Variants in NWD1 observed in about 807,000 individuals in gnomAD.
The protein encoded by NWD1 is NACHT domain- and WD repeat-containing protein 1.
Under a neutral mutation model 135.1 loss-of-function variants are expected in NWD1, and 129 were observed. That is an observed-to-expected ratio of 0.96 (90% CI 0.83 to 1.11). The LOEUF (loss-of-function observed/expected upper bound fraction) is 1.11. NWD1 is among the 50% of genes least tolerant of loss of function. NWD1 has a pLI of 0.00. For synonymous variants in NWD1, 773 were observed against 786.0 expected, an observed-to-expected ratio of 0.98 and a Z score of 0.28; for missense variants, 1,740 against 1,851.3, an observed-to-expected ratio of 0.94 and a Z score of 1.10.
Position 16,750,394 on chromosome 19 carries a change from C to A in NWD1, c.1752C>A (p.Gly584=). ...HGQLLVAHVL[G]YIVSSRHGLS... is the part of the protein sequence containing the mutation. Reference sequence around the variant, plus strand: ...AGCTCCTCGTGGCCCACGTGCTGGGCTACATTGTGTCTTCCCGGTAAGTCT... The same window carrying A: ...AGCTCCTCGTGGCCCACGTGCTGGGATACATTGTGTCTTCCCGGTAAGTCT... Residue 584 remains glycine (G), a synonymous_variant, in exon 6 of 19, where the codon GGC becomes GGA. Coordinates refer to ENST00000524140, the MANE Select transcript of NWD1 (RefSeq NM_001007525.5). 6.4e-7 allele frequency: 1 copy of A among 1,573,850 alleles called. No homozygotes were observed. The highest frequency in any genetic ancestry group is 1.1e-5 in the South Asian group (1 of 87,384).
Position 16,749,364 on chromosome 19 carries a change from C to T in NWD1, c.722C>T (p.Thr241Ile), listed in dbSNP as rs771442973. The change falls in exon 6 of 19, where the codon ACC becomes ATC. Residue 241 changes from threonine to isoleucine, a missense_variant. By Grantham distance (89) the Thr-to-Ile change is moderately conservative (BLOSUM62 -1). Coordinates refer to ENST00000524140, the MANE Select transcript of NWD1 (RefSeq NM_001007525.5). ...ITDMHPGVLK[T>I]HRLPWSRDLV... is the part of the protein sequence containing the mutation. ...GACATGCACCCAGGGGTCCTCAAGA[C>T]CCACCGCCTGCCGTGGAGCCGCGAC... 11 of 1,613,504 alleles carry T rather than the reference C, an allele frequency of 6.8e-6. No individual in the cohort carries two copies. The South Asian group carries it at 1.1e-4, about 16-fold the overall frequency.
rs760502887 is a variant in NWD1 at position 16,779,382 on chromosome 19, T to C, written c.2648T>C (p.Leu883Pro). 46 of 1,613,776 alleles carry C rather than the reference T, an allele frequency of 2.9e-5. No individual in the cohort carries two copies. The highest frequency in any genetic ancestry group is 5.0e-5 in the Admixed American group (3 of 59,952). Reference protein sequence around the residue: ...AMAWGVEEKLLVIGTQDGIMA... With the variant: ...AMAWGVEEKLPVIGTQDGIMA... Reference sequence around the variant, plus strand: ...GCATGGGGTGTGGAGGAGAAGCTGCTGGTGATTGGCACCCAGGATGGCATC... The same window carrying C: ...GCATGGGGTGTGGAGGAGAAGCTGCCGGTGATTGGCACCCAGGATGGCATC... Residue 883 changes from leucine to proline, a missense_variant, in exon 12 of 19, where the codon CTG becomes CCG. By Grantham distance (98) the Leu-to-Pro change is moderately conservative. Transcript: ENST00000524140.
At chr19:16,809,822 G>C (rs1162318796) in intron 18 of NWD1, among the ~76,000 whole-genome samples, 1 of 152,034 alleles carries the variant, frequency 6.6e-6, no homozygotes, top group Non-Finnish European at 1.5e-5. Context: ...CTCACAAAGT[G>C]CTGGGATTAC....
At chr19:16,800,313 C>T (rs1466843021) in intron 17 of NWD1, 151 bp downstream of exon 17, 2 of 730,158 alleles carry the variant, frequency 2.7e-6, no homozygotes, top group African/African-American at 1.8e-5. Context: ...GCGGGTGGAT[C>T]ACCTGAGGTC....
At chr19:16,720,649 G>C (rs1410779086) in intron 1 of NWD1, among the ~76,000 whole-genome samples, 2 of 152,216 alleles carry the variant, frequency 1.3e-5, no homozygotes, top group Admixed American at 1.3e-4. Context: ...CTGCCTCCCA[G>C]GTTCACACCA....
At chr19:16,757,531 C>T (rs1255352736) in intron 6 of NWD1, among the ~76,000 whole-genome samples, 1 of 152,202 alleles carries the variant, frequency 6.6e-6, no homozygotes, top group Non-Finnish European at 1.5e-5. Flanking sequence ...AGAGAAGGTA[C>T]ATTCCTCACC....
intron 11 of NWD1, among the ~76,000 whole-genome samples, chr19:16,776,741 CAACAT>C: frequency 8.8e-6 from 1 of 113,670 alleles, no homozygotes; most frequent in South Asian, 2.8e-4. Flanking sequence ...CCAGCCTGGG[CAACAT>C]AAGGAGACCT....
At chr19:16,723,205 T>C (rs938880923) in intron 1 of NWD1, among the ~76,000 whole-genome samples, 4 of 152,026 alleles carry the variant, frequency 2.6e-5, no homozygotes, top group African/African-American at 4.8e-5. Flanking sequence ...AGCTGATTTT[T>C]TTGCTGTTGT....
In NWD1 at chr19:16,719,877, C is replaced by T. The variant is rs1168566239; in HGVS notation, c.-521C>T. ...CTGGGAGAATTGGGCAAGGAGAGACCCATAAAATACCTAAGACGAAAGTTA... is the reference window on the plus strand; with the variant it reads ...CTGGGAGAATTGGGCAAGGAGAGACTCATAAAATACCTAAGACGAAAGTTA... On this transcript the variant is annotated 5_prime_UTR_variant, in exon 1 of 19. Coordinates refer to ENST00000524140, the MANE Select transcript of NWD1 (RefSeq NM_001007525.5). 1 of 152,056 alleles carries T rather than the reference C, an allele frequency of 6.6e-6. No homozygotes were observed. The highest frequency in any genetic ancestry group is 1.5e-5 in the Non-Finnish European group (1 of 68,012). 9.4% of individuals were successfully genotyped at this position (152,056 alleles called of 1,614,324 possible). A position where few individuals can be genotyped will look rare whatever the true frequency, so the allele number is the denominator to read the frequency against.
chr19:16,757,178 A>G (rs539056686), intron 6 of NWD1, among the ~76,000 whole-genome samples: 91 of 152,216 alleles, frequency 6.0e-4, no homozygotes, highest in African/African-American at 2.2e-3. Context: ...GGTCCGCGGG[A>G]AAAAAATTGT....
At position 16,763,759 on chromosome 19, in the gene NWD1, A is replaced by G. The variant is rs563840540; in HGVS notation, c.2134-69A>G. On this transcript the variant is annotated intron_variant, in intron 8 of 18. Transcript: ENST00000524140. Reference sequence around the variant, plus strand: ...CACTGTCTGGAGCATGAGGTGAATGAATGGGCTTGTGCGTGGAGTGAATGA... The same window carrying G: ...CACTGTCTGGAGCATGAGGTGAATGGATGGGCTTGTGCGTGGAGTGAATGA... 5.6e-5 allele frequency: 54 copies of G among 963,610 alleles called. 1 individual carries two copies. The Middle Eastern group carries it at 2.1e-3, about 38-fold the overall frequency. 59.7% of individuals were successfully genotyped at this position (963,610 alleles called of 1,614,324 possible).
intron 12 of NWD1, among the ~76,000 whole-genome samples, chr19:16,784,349 C>G (rs1276188126): frequency 1.3e-5 from 2 of 152,000 alleles, no homozygotes; most frequent in Non-Finnish European, 2.9e-5. Context: ...CGGGGTAACA[C>G]AGCCAGACCC....
At chr19:16,797,594 C>T (rs547646681) in intron 15 of NWD1, 138 bp from the exon 16 acceptor site, 589 of 724,606 alleles carry the variant, frequency 8.1e-4, no homozygotes, top group Non-Finnish European at 1.1e-3. Flanking sequence ...GTGATCTGCC[C>T]GCCTTGGCGT....
At chr19:16,740,490 C>T (rs1968033678) in intron 4 of NWD1, among the ~76,000 whole-genome samples, 1 of 151,816 alleles carries the variant, frequency 6.6e-6, no homozygotes, top group Non-Finnish European at 1.5e-5. Flanking sequence ...TGCCCACTAC[C>T]ACACCTGGCT....
intron 3 of NWD1, among the ~76,000 whole-genome samples, chr19:16,731,552 G>A (rs1277384605): frequency 2.0e-5 from 3 of 150,124 alleles, no homozygotes; most frequent in South Asian, 2.1e-4. Flanking sequence ...TGATCTGCCC[G>A]CCTCGGCCTC....
At chr19:16,724,945 C>T (rs1373036364) in intron 2 of NWD1, among the ~76,000 whole-genome samples, 1 of 151,930 alleles carries the variant, frequency 6.6e-6, no homozygotes, top group African/African-American at 2.4e-5. Context: ...CCACCCACCT[C>T]GACCTCCCAA....
chr19:16,720,617 G>A (rs1344815909), intron 1 of NWD1, among the ~76,000 whole-genome samples: 1 of 151,896 alleles, frequency 6.6e-6, no homozygotes, highest in South Asian at 2.1e-4. Context: ...GTGCAGTGGC[G>A]TGATCTCAGT....
chr19:16,754,939 C>G (rs1012270131), intron 6 of NWD1, among the ~76,000 whole-genome samples: 1 of 152,182 alleles, frequency 6.6e-6, no homozygotes, highest in African/African-American at 2.4e-5. Context: ...ATATATTTCT[C>G]TATGTCCCAT....
At chr19:16,778,494 C>CTTTTTTTTTTTTTTTT (rs11307621) in intron 11 of NWD1, among the ~76,000 whole-genome samples, 1 of 107,568 alleles carries the variant, frequency 9.3e-6, no homozygotes, top group Non-Finnish European at 1.8e-5. Context: ...TCTTCTTCTT[C>CTTTTTTTTTTTTTTTT]TTTTTTTTTT....
Sources: allele counts gnomAD v4.1 joint callset (sites outside exome capture counted in the v4.1 genomes callset), GRCh38; gene constraint gnomAD v4.1.1; transcripts MANE v1.5; gene names NCBI Gene and HGNC (gene_info 2026-07-23, HGNC 2026-07-21).